TRPM6: variants seen among roughly 807,000 people sequenced by gnomAD.
TRPM6 encodes transient receptor potential cation channel subfamily M member 6.
TRPM6 carries 111 observed loss-of-function variants against 247.6 expected under a neutral mutation model. The observed-to-expected ratio is 0.45, with a 90% CI of 0.38 to 0.52. TRPM6 has a LOEUF of 0.52. Ranked by LOEUF, TRPM6 falls within the 20% of genes least tolerant of loss-of-function variation. The pLI is 0.00. For missense variants in TRPM6, 2,126 were observed against 2,421.5 expected (o/e 0.88, Z 2.56); for synonymous variants, 892 against 853.8 (o/e 1.04, Z -0.78).
intron 9 of TRPM6, among the ~76,000 whole-genome samples, chr9:74,817,766 T>C (rs1828992977): frequency 6.6e-6 from 1 of 152,074 alleles, no homozygotes; most frequent in East Asian, 1.9e-4. Context: ...CTGTTATTAA[T>C]GGCTATATCT....
At chr9:74,841,283 G>C (rs1278723429) in intron 4 of TRPM6, among the ~76,000 whole-genome samples, 1 of 152,106 alleles carries the variant, frequency 6.6e-6, no homozygotes, top group Non-Finnish European at 1.5e-5. Context: ...AGCAAATGCA[G>C]ATCACTCAAA....
chr9:74,815,568 T>C (rs905052219), intron 11 of TRPM6, among the ~76,000 whole-genome samples: 1 of 152,208 alleles, frequency 6.6e-6, no homozygotes, highest in South Asian at 2.1e-4. Context: ...CCCAAGATGA[T>C]GAGGGTGCAT....
intron 21 of TRPM6, among the ~76,000 whole-genome samples, chr9:74,783,946 C>T (rs1827553047): frequency 6.6e-6 from 1 of 152,042 alleles, no homozygotes; most frequent in Non-Finnish European, 1.5e-5. Context: ...GGTCTTAGGT[C>T]CTTGTGAACA....
rs151038484 is a variant in TRPM6, at chr9:74,868,216, C to T, written c.34-9468G>A. On this transcript the variant is annotated intron_variant, in intron 1 of 38. Coordinates refer to ENST00000360774, the MANE Select transcript of TRPM6 (RefSeq NM_017662.5). The stretch of plus-strand genomic sequence containing the variant: ...TAAATAAAACAAAAAAGTGTCCCGC[C>T]GGGTGTGGTGGCTCACGCCTGTAAT... Among the ~76,000 whole-genome samples the T allele has an allele frequency of 8.4e-3, 1,266 of 151,130 alleles. 22 individuals carry two copies. Among genetic ancestry groups the T allele is most frequent in the African/African-American group, 0.029 (1,201 of 41,146 alleles).
At chr9:74,858,632 G>A (rs764994808) in intron 2 of TRPM6, 37 bp downstream of exon 2, 5 of 1,397,052 alleles carry the variant, frequency 3.6e-6, no homozygotes, top group Non-Finnish European at 5.1e-6. Context: ...ATCAGGTAGT[G>A]TTGCTTTTAA....
intron 23 of TRPM6, among the ~76,000 whole-genome samples, chr9:74,777,416 G>A (rs1564009102): frequency 6.6e-6 from 1 of 152,180 alleles, no homozygotes; most frequent in Non-Finnish European, 1.5e-5. Context: ...TCTAACGTGA[G>A]AAATTTGTCC....
At chr9:74,868,146 C>CA (rs796635861) in intron 1 of TRPM6, among the ~76,000 whole-genome samples, 3,231 of 85,452 alleles carry the variant, frequency 0.038, 59 homozygotes, top group African/African-American at 0.08. Context: ...CGAGACTCCG[C>CA]AAAAAAAAAA....
intron 3 of TRPM6, among the ~76,000 whole-genome samples, chr9:74,851,216 CAAA>C (rs2118286855): frequency 6.6e-6 from 1 of 151,922 alleles, no homozygotes; most frequent in South Asian, 2.1e-4. Flanking sequence ...TTTGAAGTCT[CAAA>C]GAACATATCA....
chr9:74,762,212 T>A lies in TRPM6; in HGVS notation c.4459A>T (p.Ser1487Cys). The change falls in exon 26 of 39, where the codon AGT (serine) becomes TGT (cysteine). Residue 1487 changes from serine to cysteine, a missense_variant. By Grantham distance (112) the Ser-to-Cys change is moderately radical (BLOSUM62 -1). This residue lies in a region of TRPM6 where 717 missense variants were observed against 715.9 expected (regional missense o/e 1.00). Transcript: ENST00000360774. Reference sequence around the variant, plus strand: ...TGGGCCTGCTTCTGGTGCTGTTCACTCCGAGAGGAATCACTGTCACAAGTG... The same window carrying A: ...TGGGCCTGCTTCTGGTGCTGTTCACACCGAGAGGAATCACTGTCACAAGTG... ...PSTCDSDSSR[S>C]EQHQKQAQDS... 6.2e-7 allele frequency: 1 copy of A among 1,614,220 alleles called. No homozygotes were observed. Among genetic ancestry groups the A allele is most frequent in the South Asian group, 1.1e-5 (1 of 91,088 alleles).
rs563892858 is a variant in TRPM6, at chr9:74,832,727, T to G, written c.669+1271A>C. Reference sequence around the variant, plus strand: ...GAGTTCATTTTTCTAACTTCTCTACTGCCTAATATGTTGCAAGTTTTCCAA... The same window carrying G: ...GAGTTCATTTTTCTAACTTCTCTACGGCCTAATATGTTGCAAGTTTTCCAA... On this transcript the variant is annotated intron_variant, in intron 6 of 38. Transcript: ENST00000360774. 3.9e-5 allele frequency among the ~76,000 whole-genome samples: 6 copies of G among 152,204 alleles called. No homozygotes were observed. In the South Asian group the frequency reaches 1.2e-3, roughly 32 times the overall value.
Position 74,823,541 on chromosome 9 carries a change from C to A in TRPM6, c.842-1704G>T, listed in dbSNP as rs114016912. On this transcript the variant is annotated intron_variant, in intron 7 of 38. Coordinates refer to ENST00000360774, the MANE Select transcript of TRPM6 (RefSeq NM_017662.5). ...CACTCCATCGATTTAGTTGCTTTGA[C>A]ATTCTACTCCTTTTCCATACACCTC... 4.0e-3 allele frequency among the ~76,000 whole-genome samples: 608 copies of A among 152,084 alleles called. 4 individuals are homozygous for A. The highest frequency in any genetic ancestry group is 0.014 in the African/African-American group (580 of 41,368).
chr9:74,812,441 A>C lies in TRPM6; in HGVS notation c.1309-8T>G, dbSNP rs542980829. 6.2e-7 allele frequency: 1 copy of C among 1,613,336 alleles called. No individual in the cohort carries two copies. The highest frequency in any genetic ancestry group is 1.1e-5 in the South Asian group (1 of 91,070). The stretch of plus-strand genomic sequence containing the variant: ...TTGTTCCAGGGCATCAGGCTTCAGA[A>C]AGCACAAATAAGAAATATAAAGACA... On this transcript the variant is annotated splice_polypyrimidine_tract_variant and splice_region_variant and intron_variant, in intron 11 of 38. Coordinates refer to ENST00000360774, the MANE Select transcript of TRPM6 (RefSeq NM_017662.5).
chr9:74,804,558 G>C (rs1828467461), intron 14 of TRPM6: 7 of 741,626 alleles, frequency 9.4e-6, no homozygotes, highest in Non-Finnish European at 1.5e-5. Flanking sequence ...GGTGACCAAG[G>C]AGGAATTTCA....
At chr9:74,728,763 C>T (rs73530654) in intron 37 of TRPM6, among the ~76,000 whole-genome samples, 2,740 of 152,256 alleles carry the variant, frequency 0.018, 86 homozygotes, top group African/African-American at 0.063. Context: ...CCTTCTAAAA[C>T]GATGCATAGA....
intron 18 of TRPM6, among the ~76,000 whole-genome samples, chr9:74,794,053 C>A (rs1828002687): frequency 6.6e-6 from 1 of 151,862 alleles, no homozygotes; most frequent in African/African-American, 2.4e-5. Flanking sequence ...AGAAAAGAAG[C>A]ATTTATAGCC....
At chr9:74,737,140 G>A (rs537637310) in intron 36 of TRPM6, among the ~76,000 whole-genome samples, 2 of 152,222 alleles carry the variant, frequency 1.3e-5, no homozygotes, top group African/African-American at 4.8e-5. Context: ...TCTAAAAGCT[G>A]AATCAACTTG....
chr9:74,748,608 AAAAT>A (rs1826128732), intron 30 of TRPM6, among the ~76,000 whole-genome samples: 1 of 152,210 alleles, frequency 6.6e-6, no homozygotes, highest in Non-Finnish European at 1.5e-5. Flanking sequence ...GTAAGAAGTG[AAAAT>A]AAATAAATAA....
intron 9 of TRPM6, among the ~76,000 whole-genome samples, chr9:74,819,650 C>T (rs770130146): frequency 1.3e-5 from 2 of 152,118 alleles, no homozygotes; most frequent in African/African-American, 4.8e-5. Flanking sequence ...CTCACTTTTC[C>T]CATTGTCCAG....
intron 25 of TRPM6, among the ~76,000 whole-genome samples, chr9:74,767,728 G>A (rs1290114970): frequency 1.3e-5 from 2 of 152,106 alleles, no homozygotes; most frequent in Non-Finnish European, 2.9e-5. Flanking sequence ...CAGCACTTTG[G>A]GAGACTGAGG....
Sources: allele counts gnomAD v4.1 joint callset (sites outside exome capture counted in the v4.1 genomes callset), GRCh38; gene constraint gnomAD v4.1.1; regional missense constraint gnomAD v4.1.1; transcripts MANE v1.5; gene names NCBI Gene and HGNC (gene_info 2026-07-23, HGNC 2026-07-21).